The following ASH2L variants were observed in gnomAD, a reference collection of about 807,000 sequenced individuals.
ASH2L encodes set1/Ash2 histone methyltransferase complex subunit ASH2.
In ASH2L, 30 loss-of-function variants were observed where a neutral mutation model predicts 81.1. The ratio of observed to expected loss-of-function variants is 0.37; its 90% confidence interval spans 0.28 to 0.50. The LOEUF (loss-of-function observed/expected upper bound fraction) is 0.50, where lower values mean the gene tolerates loss of function less well. Among genes scored for constraint, ASH2L ranks in the 20% least tolerant of loss-of-function variants. ASH2L has a pLI of 0.95. For synonymous variants in ASH2L, 273 were observed against 279.9 expected, an observed-to-expected ratio of 0.98 and a Z score of 0.24; for missense variants, 559 against 792.1, an observed-to-expected ratio of 0.71 and a Z score of 3.53.
chr8:38,106,168 C>A, intron 1 of ASH2L: 1 of 1,528,562 alleles, frequency 6.5e-7, no homozygotes, highest in Non-Finnish European at 8.8e-7. Flanking sequence ...GCCGGTTAGG[C>A]TTCCCTGTGC....
chr8:38,134,761 A>C (rs985798086), intron 13 of ASH2L, among the ~76,000 whole-genome samples: 1 of 152,204 alleles, frequency 6.6e-6, no homozygotes, highest in Non-Finnish European at 1.5e-5. Flanking sequence ...TTAGGAAAGA[A>C]ATACTAAAGA....
chr8:38,117,187 C>T (rs1429801387), intron 8 of ASH2L, among the ~76,000 whole-genome samples: 7 of 152,154 alleles, frequency 4.6e-5, no homozygotes, highest in South Asian at 2.1e-4. Flanking sequence ...TCTGTTAACC[C>T]ATCTAATAGC....
chr8:38,111,853 G>A (rs559464404), intron 5 of ASH2L, among the ~76,000 whole-genome samples: 1 of 152,206 alleles, frequency 6.6e-6, no homozygotes, highest in African/African-American at 2.4e-5. Flanking sequence ...TAACATTGGT[G>A]CAGTACTACT....
At chr8:38,120,113 G>A (rs1451126054) in intron 9 of ASH2L, among the ~76,000 whole-genome samples, 1 of 152,164 alleles carries the variant, frequency 6.6e-6, no homozygotes, top group African/African-American at 2.4e-5. Context: ...CCACGAGAAC[G>A]AAACTGTCTC....
chr8:38,121,779 C>A (rs1448887313), intron 10 of ASH2L, among the ~76,000 whole-genome samples: 1 of 152,130 alleles, frequency 6.6e-6, no homozygotes, highest in East Asian at 1.9e-4. Flanking sequence ...GAAACAATGT[C>A]TTATAGCATC....
intron 5 of ASH2L, among the ~76,000 whole-genome samples, chr8:38,112,075 C>T (rs546741712): frequency 5.3e-5 from 8 of 152,208 alleles, no homozygotes; most frequent in Middle Eastern, 3.4e-3. Context: ...GGCACAGGCC[C>T]GGCTCACTGC....
rs765130138 is a variant in ASH2L at position 38,106,458 on chromosome 8, G to A, written c.255+14G>A. ...AAAGATACACTAGTAAGTATTTTTA[G>A]TTGTTTGCAAGACAAAATAGGGTTT... On this transcript the variant is annotated intron_variant, in intron 2 of 15. Transcript: ENST00000343823. 6.3e-7 allele frequency: 1 copy of A among 1,584,388 alleles called. No individual in the cohort carries two copies. The highest frequency in any genetic ancestry group is 8.7e-7 in the Non-Finnish European group (1 of 1,155,280).
At chr8:38,106,525 TGCGACGGAGCC>T in intron 2 of ASH2L, 81 bp downstream of exon 2, 1 of 1,212,766 alleles carries the variant, frequency 8.2e-7, no homozygotes, top group Non-Finnish European at 1.2e-6. Flanking sequence ...TTTTTTTTGT[TGCGACGGAGCC>T]TTGCTCTGTC....
rs1284424884 is a variant in ASH2L, at chr8:38,114,930, T to C, written c.707T>C (p.Val236Ala). The change falls in exon 7 of 16, where the codon GTA becomes GCA. Residue 236 changes from valine (V) to alanine (A), a missense_variant. Around this residue, in one of 4 missense-constraint regions of ASH2L, gnomAD observed 318 missense variants for 527.0 expected, o/e 0.60. Transcript: ENST00000343823. Reference sequence around the variant, plus strand: ...AGTAAAGAAAGAGATGTATTCTTGGTAAAGGAACACCCAGATCCAGGCAGT... The same window carrying C: ...AGTAAAGAAAGAGATGTATTCTTGGCAAAGGAACACCCAGATCCAGGCAGT... ...TMSKERDVFLVKEHPDPGSKD... is the reference protein window; with the variant it reads ...TMSKERDVFLAKEHPDPGSKD... 4 of 1,612,354 alleles carry C rather than the reference T, an allele frequency of 2.5e-6. No individual in the cohort carries two copies. The South Asian group carries it at 4.4e-5, about 18-fold the overall frequency.
At chr8:38,130,474 A>C (rs557305515) in intron 12 of ASH2L, among the ~76,000 whole-genome samples, 13 of 150,824 alleles carry the variant, frequency 8.6e-5, no homozygotes, top group South Asian at 2.1e-4. Context: ...TTTTATACTT[A>C]TTTCTTTCCA....
chr8:38,109,697 A>C (rs1026472203), intron 3 of ASH2L, among the ~76,000 whole-genome samples: 7 of 152,064 alleles, frequency 4.6e-5, no homozygotes, highest in African/African-American at 1.7e-4. Flanking sequence ...TTGGCCTCTC[A>C]AAGTTCTGGA....
chr8:38,128,719 C>G, intron 11 of ASH2L, 39 bp from the exon 12 acceptor site: 1 of 1,579,158 alleles, frequency 6.3e-7, no homozygotes, highest in Non-Finnish European at 8.5e-7. Context: ...ATTTGACTTG[C>G]AATCTTCTGA....
At chr8:38,117,110 T>G (rs553668785) in intron 8 of ASH2L, among the ~76,000 whole-genome samples, 1 of 152,366 alleles carries the variant, frequency 6.6e-6, no homozygotes, top group South Asian at 2.1e-4. Context: ...TAATTTTTCT[T>G]GCCCTGAAAC....
rs374482829 is a variant in ASH2L, at chr8:38,138,808, C to T, written c.1720-8C>T. The T allele has an allele frequency of 5.0e-6, 8 of 1,612,400 alleles. No individual in the cohort carries two copies. Among genetic ancestry groups the T allele is most frequent in the Non-Finnish European group, 4.2e-6 (5 of 1,179,372 alleles). On this transcript the variant is annotated splice_region_variant and splice_polypyrimidine_tract_variant and intron_variant, in intron 14 of 15. Transcript: ENST00000343823. ...TTTCCATGTCTGCTTGAATTGAATT[C>T]GCTCCAGGTTTCCATTAACTTTGGA...
At chr8:38,128,187 AT>A in intron 10 of ASH2L, 103 bp from the exon 11 acceptor site, 4 of 1,356,634 alleles carry the variant, frequency 2.9e-6, no homozygotes. Flanking sequence ...CTGACCTGAT[AT>A]TTGTGATTTT....
In ASH2L at chr8:38,122,379, C is replaced by T. The variant is rs144571320; in HGVS notation, c.1165+1230C>T. On this transcript the variant is annotated intron_variant, in intron 10 of 15. Transcript: ENST00000343823. ...TGTTTAGGAATAACATCTAGGTGCT[C>T]ACTTCCATATATCACATATACGAAA... 2.5e-3 allele frequency: 386 copies of T among 152,234 alleles called. 1 individual carries two copies. Among genetic ancestry groups the T allele is most frequent in the African/African-American group, 9.1e-3 (377 of 41,532 alleles). 9.4% of individuals were successfully genotyped at this position (152,234 alleles called of 1,614,324 possible).
Position 38,130,811 on chromosome 8 carries a change from C to T in ASH2L, c.1527+1860C>T, listed in dbSNP as rs372723312. ...ACAGGGTTTCACCATGTTGGTCAGG[C>T]TGGTCTTGAACTCCCGCCTCGGCCT... On this transcript the variant is annotated intron_variant, in intron 12 of 15. Coordinates refer to ENST00000343823, the MANE Select transcript of ASH2L (RefSeq NM_004674.5). Among the ~76,000 whole-genome samples the T allele has an allele frequency of 1.9e-4, 29 of 152,242 alleles. No homozygotes were observed. The East Asian group carries it at 4.6e-3, about 24-fold the overall frequency.
intron 10 of ASH2L, among the ~76,000 whole-genome samples, chr8:38,125,855 A>G (rs1801825473): frequency 6.6e-6 from 1 of 152,228 alleles, no homozygotes; most frequent in Non-Finnish European, 1.5e-5. Context: ...GAGGGGCACA[A>G]CATTACCTCA....
chr8:38,123,713 A>T (rs1199492492), intron 10 of ASH2L, among the ~76,000 whole-genome samples: 1 of 152,216 alleles, frequency 6.6e-6, no homozygotes, highest in Non-Finnish European at 1.5e-5. Context: ...TCACCCCTAC[A>T]GTGCCCTTCT....
Sources: gnomAD v4.1 joint callset for allele counts (sites outside exome capture counted in the v4.1 genomes callset) on GRCh38, gnomAD v4.1.1 for gene constraint, gnomAD v4.1.1 regional missense constraint, MANE v1.5 for transcripts, NCBI Gene and HGNC (gene_info 2026-07-23, HGNC 2026-07-21) for gene names.